The following TSHZ2 variants were observed in gnomAD, a reference collection of about 807,000 sequenced individuals.
The protein encoded by TSHZ2 is teashirt homolog 2.
Under a neutral mutation model 74.4 loss-of-function variants are expected in TSHZ2, and 21 were observed. That is an observed-to-expected ratio of 0.28 (90% CI 0.20 to 0.41). The LOEUF (loss-of-function observed/expected upper bound fraction) is 0.41. Ranked by LOEUF, TSHZ2 falls within the 10% of genes least tolerant of loss-of-function variation. The probability of loss-of-function intolerance (pLI) is 1.00; values close to 1 mark genes in which losing one functional copy is unlikely to be tolerated. For missense variants in TSHZ2, 1,244 were observed against 1,293.5 expected, an observed-to-expected ratio of 0.96 and a Z score of 0.59; for synonymous variants, 540 against 515.3, an observed-to-expected ratio of 1.05 and a Z score of -0.65.
chr20:53,419,673 C>T (rs1983396317), intron 2 of TSHZ2, among the ~76,000 whole-genome samples: 1 of 152,196 alleles, frequency 6.6e-6, no homozygotes, highest in South Asian at 2.1e-4. Flanking sequence ...AGCGGGCAGT[C>T]AATAACAAAT....
At chr20:53,411,047 A>G (rs1203246865) in intron 2 of TSHZ2, among the ~76,000 whole-genome samples, 1 of 152,172 alleles carries the variant, frequency 6.6e-6, no homozygotes, top group African/African-American at 2.4e-5. Flanking sequence ...CCTTCAAGTC[A>G]AATATTAGTG....
intron 1 of TSHZ2, among the ~76,000 whole-genome samples, chr20:53,034,355 G>C (rs777758431): frequency 5.9e-5 from 9 of 152,136 alleles, no homozygotes; most frequent in Non-Finnish European, 8.8e-5. Context: ...TTATTATAGT[G>C]CTGCAAAATA....
intron 1 of TSHZ2, among the ~76,000 whole-genome samples, chr20:53,137,296 CTTT>C (rs759993398): frequency 1.5e-5 from 2 of 135,250 alleles, no homozygotes; most frequent in Non-Finnish European, 1.6e-5. Context: ...ATTCGTGTTT[CTTT>C]TTTTTTTTTT....
intron 1 of TSHZ2, among the ~76,000 whole-genome samples, chr20:53,191,228 G>C (rs1301145087): frequency 6.6e-6 from 1 of 152,086 alleles, no homozygotes; most frequent in Non-Finnish European, 1.5e-5. Flanking sequence ...GACCTATGCA[G>C]TTAAATATAT....
At position 53,421,903 on chromosome 20, in the gene TSHZ2, G is replaced by C. The variant is rs977432077; in HGVS notation, c.*9-65241G>C. On this transcript the variant is annotated intron_variant, in intron 2 of 2. Transcript: ENST00000371497. Reference sequence around the variant, plus strand: ...TCACCATGTTAGCCAGGATGGTCTCGATCTCCTGACCTTGTGATCCACCCG... The same window carrying C: ...TCACCATGTTAGCCAGGATGGTCTCCATCTCCTGACCTTGTGATCCACCCG... 7.9e-5 allele frequency among the ~76,000 whole-genome samples: 12 copies of C among 151,770 alleles called. No individual in the cohort carries two copies. The East Asian group carries it at 2.1e-3, about 27-fold the overall frequency.
chr20:53,330,617 T>G (rs1979686553), intron 2 of TSHZ2, among the ~76,000 whole-genome samples: 1 of 152,174 alleles, frequency 6.6e-6, no homozygotes, highest in Non-Finnish European at 1.5e-5. Flanking sequence ...TATGTTTTAT[T>G]TTCTCCTAAA....
At chr20:53,057,677 C>T (rs1466871121) in intron 1 of TSHZ2, among the ~76,000 whole-genome samples, 1 of 152,110 alleles carries the variant, frequency 6.6e-6, no homozygotes, top group African/African-American at 2.4e-5. Context: ...ATATACCATG[C>T]CCCAAATACC....
At chr20:53,298,446 CT>C (rs1193219853) in intron 2 of TSHZ2, among the ~76,000 whole-genome samples, 1 of 152,128 alleles carries the variant, frequency 6.6e-6, no homozygotes, top group Non-Finnish European at 1.5e-5. Context: ...AAGAGGTGAA[CT>C]TTTTTGCTGA....
At chr20:53,231,230 G>C (rs938939947) in intron 1 of TSHZ2, among the ~76,000 whole-genome samples, 7 of 152,312 alleles carry the variant, frequency 4.6e-5, no homozygotes, top group Admixed American at 1.3e-4. Context: ...CATTCATATT[G>C]TGACGGGAGA....
intron 1 of TSHZ2, among the ~76,000 whole-genome samples, chr20:53,080,579 C>T (rs1985500503): frequency 6.6e-6 from 1 of 152,108 alleles, no homozygotes; most frequent in African/African-American, 2.4e-5. Flanking sequence ...GATGATCAGG[C>T]ATTAGTTAGA....
intron 1 of TSHZ2, among the ~76,000 whole-genome samples, chr20:53,134,273 C>G (rs1258204357): frequency 6.6e-6 from 1 of 152,176 alleles, no homozygotes; most frequent in Non-Finnish European, 1.5e-5. Flanking sequence ...CTGGAAAATA[C>G]AGCAAATTAT....
At chr20:53,247,078 A>G (rs1990225685) in intron 1 of TSHZ2, among the ~76,000 whole-genome samples, 1 of 152,212 alleles carries the variant, frequency 6.6e-6, no homozygotes, top group Non-Finnish European at 1.5e-5. Flanking sequence ...GCAGTGCTTT[A>G]AACAAAGAAT....
chr20:52,975,107 A>G (rs1568699998), intron 1 of TSHZ2, among the ~76,000 whole-genome samples: 1 of 152,308 alleles, frequency 6.6e-6, no homozygotes, highest in East Asian at 1.9e-4. Flanking sequence ...TTTGAGACCC[A>G]GGAACAGTGA....
intron 1 of TSHZ2, among the ~76,000 whole-genome samples, chr20:53,004,549 G>A (rs960714437): frequency 2.6e-5 from 4 of 152,110 alleles, no homozygotes; most frequent in African/African-American, 4.8e-5. Flanking sequence ...AGGCATTTAC[G>A]CTTAGCAGTC....
At chr20:53,223,969 G>A (rs1207030014) in intron 1 of TSHZ2, among the ~76,000 whole-genome samples, 1 of 151,938 alleles carries the variant, frequency 6.6e-6, no homozygotes, top group African/African-American at 2.4e-5. Context: ...ACCTGAGTAG[G>A]TCAGTGGATC....
chr20:53,106,940 C>T (rs759741816), intron 1 of TSHZ2, among the ~76,000 whole-genome samples: 6 of 149,758 alleles, frequency 4.0e-5, no homozygotes, highest in Non-Finnish European at 8.9e-5. Flanking sequence ...TCAAGTGATC[C>T]GCCCACCTCG....
intron 1 of TSHZ2, among the ~76,000 whole-genome samples, chr20:52,989,225 TTTTG>T (rs1981887069): frequency 6.6e-6 from 1 of 152,098 alleles, no homozygotes; most frequent in Non-Finnish European, 1.5e-5. Context: ...TTTTTAACAT[TTTTG>T]TTTATTTATT....
Position 52,973,078 on chromosome 20 carries a change from G to A in TSHZ2, c.-216G>A. The stretch of plus-strand genomic sequence containing the variant: ...AACCAACCTCTACTTCAAAGCAGCC[G>A]GCACAAGCCACCCGTGTCTGCCACC... On this transcript the variant is annotated 5_prime_UTR_variant, in exon 1 of 3. Coordinates refer to ENST00000371497, the MANE Select transcript of TSHZ2 (RefSeq NM_173485.6). 3.8e-6 allele frequency: 2 copies of A among 520,526 alleles called. No homozygotes were observed. 32.2% of individuals were successfully genotyped at this position (520,526 alleles called of 1,614,324 possible).
intron 1 of TSHZ2, among the ~76,000 whole-genome samples, chr20:52,995,792 T>C (rs1323228899): frequency 4.0e-5 from 6 of 151,878 alleles, no homozygotes; most frequent in African/African-American, 1.5e-4. Context: ...TTTGTATTTT[T>C]TTTTTTTTTA....
Sources: gnomAD v4.1 joint callset for allele counts (sites outside exome capture counted in the v4.1 genomes callset) on GRCh38, gnomAD v4.1.1 for gene constraint, MANE v1.5 for transcripts, NCBI Gene and HGNC (gene_info 2026-07-23, HGNC 2026-07-21) for gene names.